The following CDK14 variants were observed in gnomAD, a reference collection of about 807,000 sequenced individuals.
CDK14 encodes the protein cyclin-dependent kinase 14.
In CDK14, 34 loss-of-function variants were observed where a neutral mutation model predicts 60.7. The observed-to-expected ratio is 0.56, with a 90% CI of 0.43 to 0.75. The LOEUF is 0.75. Among genes scored for constraint, CDK14 ranks in the 30% least tolerant of loss-of-function variants. CDK14 has a pLI of 0.00. For missense variants in CDK14, 482 were observed against 564.1 expected (o/e 0.85, Z 1.47); for synonymous variants, 197 against 203.7 (o/e 0.97, Z 0.28).
At chr7:91,016,283 A>G (rs571771549) in intron 10 of CDK14, among the ~76,000 whole-genome samples, 3 of 151,878 alleles carry the variant, frequency 2.0e-5, no homozygotes, top group Admixed American at 6.6e-5. Context: ...GTTTGTTTCT[A>G]CCAATCACCC....
chr7:91,070,445 A>G (rs7807999), intron 11 of CDK14, among the ~76,000 whole-genome samples: 3,639 of 152,242 alleles, frequency 0.024, 142 homozygotes, highest in African/African-American at 0.081. Context: ...ACCATTAACT[A>G]TGTGTGGAAT....
intron 11 of CDK14, among the ~76,000 whole-genome samples, chr7:91,074,803 A>C (rs138080526): frequency 6.6e-6 from 1 of 152,334 alleles, no homozygotes; most frequent in Non-Finnish European, 1.5e-5. Context: ...CAAATGATAA[A>C]TGGGATATCA....
chr7:90,928,319 C>A (rs559525376), intron 8 of CDK14, among the ~76,000 whole-genome samples: 1 of 152,278 alleles, frequency 6.6e-6, no homozygotes, highest in South Asian at 2.1e-4. Flanking sequence ...GAATTTTCAG[C>A]TTTTCTGCCC....
intron 2 of CDK14, among the ~76,000 whole-genome samples, chr7:90,721,200 G>C (rs1025599227): frequency 2.6e-5 from 4 of 152,018 alleles, no homozygotes; most frequent in Non-Finnish European, 5.9e-5. Context: ...CATGCTGCTT[G>C]GACCCTCCCC....
intron 4 of CDK14, among the ~76,000 whole-genome samples, chr7:90,782,759 G>T (rs1161096879): frequency 6.6e-6 from 1 of 152,128 alleles, no homozygotes; most frequent in Non-Finnish European, 1.5e-5. Context: ...TTTAGTCTTT[G>T]TGGATTCAGA....
chr7:91,125,957 T>A (rs2116406576), intron 14 of CDK14, among the ~76,000 whole-genome samples: 1 of 152,318 alleles, frequency 6.6e-6, no homozygotes, highest in East Asian at 1.9e-4. Context: ...CTAATTACTA[T>A]AAATGGGGAA....
chr7:91,009,969 C>T (rs1400371965), intron 10 of CDK14, among the ~76,000 whole-genome samples: 1 of 152,052 alleles, frequency 6.6e-6, no homozygotes, highest in Non-Finnish European at 1.5e-5. Context: ...GTGCCAGGGA[C>T]AGATTAAAAT....
intron 4 of CDK14, among the ~76,000 whole-genome samples, chr7:90,750,804 C>T (rs1043962587): frequency 1.3e-4 from 19 of 151,602 alleles, no homozygotes; most frequent in East Asian, 3.9e-4. Flanking sequence ...ACCTGCGAGG[C>T]GGAGGTTGCA....
chr7:90,770,195 T>C (rs1584874074), intron 4 of CDK14, among the ~76,000 whole-genome samples: 1 of 152,358 alleles, frequency 6.6e-6, no homozygotes, highest in Middle Eastern at 3.4e-3. Context: ...TGTAAAGCCC[T>C]GAAAGTAGCT....
At chr7:91,056,600 T>G (rs1446802748) in intron 11 of CDK14, among the ~76,000 whole-genome samples, 1 of 131,538 alleles carries the variant, frequency 7.6e-6, no homozygotes, top group African/African-American at 2.9e-5. Flanking sequence ...GATGTTCCCC[T>G]TCCTGTGTCC....
intron 10 of CDK14, among the ~76,000 whole-genome samples, chr7:90,991,674 A>G (rs1006106751): frequency 6.6e-6 from 1 of 152,194 alleles, no homozygotes; most frequent in Non-Finnish European, 1.5e-5. Context: ...CTTTTAGCCC[A>G]GAGGAAAAGA....
At chr7:91,010,969 G>A (rs565130553) in intron 10 of CDK14, among the ~76,000 whole-genome samples, 1 of 151,372 alleles carries the variant, frequency 6.6e-6, no homozygotes, top group South Asian at 2.1e-4. Flanking sequence ...TTAAACTCAG[G>A]TGAAAAGCAT....
In CDK14 at chr7:91,180,815, G is replaced by A. The variant is rs952222689; in HGVS notation, c.*29-26350G>A. ...ATGAATATTCAAGGAGGCCAAAGGGGCAGACATAGTGCTTTTACATTTTTT... is the reference window on the plus strand; with the variant it reads ...ATGAATATTCAAGGAGGCCAAAGGGACAGACATAGTGCTTTTACATTTTTT... On this transcript the variant is annotated intron_variant, in intron 14 of 14. Transcript: ENST00000380050. Among the ~76,000 whole-genome samples the A allele has an allele frequency of 3.9e-5, 6 of 152,122 alleles. No individual in the cohort carries two copies. In the East Asian group the frequency reaches 7.7e-4, roughly 20 times the overall value.
chr7:90,735,689 C>T (rs752255292), intron 3 of CDK14, among the ~76,000 whole-genome samples: 2 of 152,312 alleles, frequency 1.3e-5, no homozygotes, highest in South Asian at 2.1e-4. Context: ...CTAGCTTAAG[C>T]GTCCCAGGTC....
intron 4 of CDK14, among the ~76,000 whole-genome samples, chr7:90,757,297 G>A (rs983012423): frequency 9.3e-5 from 14 of 149,872 alleles, no homozygotes; most frequent in African/African-American, 3.4e-4. Flanking sequence ...CAGGACATGA[G>A]TTATATTTGA....
At chr7:91,098,154 A>G (rs1346352583) in intron 12 of CDK14, among the ~76,000 whole-genome samples, 2 of 152,236 alleles carry the variant, frequency 1.3e-5, no homozygotes, top group African/African-American at 2.4e-5. Flanking sequence ...TAATGAAAGC[A>G]TATATTTTCA....
At chr7:90,610,464 T>C (rs1799517622) in intron 2 of CDK14, among the ~76,000 whole-genome samples, 1 of 152,194 alleles carries the variant, frequency 6.6e-6, no homozygotes, top group South Asian at 2.1e-4. Flanking sequence ...GCGACCCTCC[T>C]CCACCCTTTC....
rs1045675820 is a variant in CDK14 at position 90,981,779 on chromosome 7, AT to A, written c.948-2366del. Among the ~76,000 whole-genome samples the A allele has an allele frequency of 1.2e-3, 180 of 144,734 alleles. 2 individuals carry two copies. The highest frequency in any genetic ancestry group is 4.2e-3 in the African/African-American group (165 of 38,932). 95.0% of individuals were successfully genotyped at this position (144,734 alleles called of 152,430 possible). ...AGAGCCAATGTTAAAAATCTGGAGA[AT>A]TTCCAGGAGGTAGAGAGTTCTAGAA... is the stretch of plus-strand genomic sequence containing the variant. On this transcript the variant is annotated intron_variant, in intron 9 of 14. Coordinates refer to ENST00000380050, the MANE Select transcript of CDK14 (RefSeq NM_001287135.2).
At chr7:90,632,848 G>A (rs372700279) in intron 2 of CDK14, among the ~76,000 whole-genome samples, 1 of 152,152 alleles carries the variant, frequency 6.6e-6, no homozygotes, top group African/African-American at 2.4e-5. Flanking sequence ...CAGACCTTTG[G>A]GAAGCCGAGG....
Sources: gnomAD v4.1 joint callset for allele counts (sites outside exome capture counted in the v4.1 genomes callset) on GRCh38, gnomAD v4.1.1 for gene constraint, MANE v1.5 for transcripts, NCBI Gene and HGNC (gene_info 2026-07-23, HGNC 2026-07-21) for gene names.